GTF2H4: variants seen among roughly 807,000 people sequenced by gnomAD.
GTF2H4 encodes the protein BTF2 p52.
GTF2H4 carries 49 observed loss-of-function variants against 62.2 expected under a neutral mutation model. The ratio of observed to expected loss-of-function variants is 0.79; its 90% CI spans 0.63 to 1.00. The LOEUF (loss-of-function observed/expected upper bound fraction) is 1.00, where lower values mean the gene tolerates loss of function less well. GTF2H4 is among the 50% of genes least tolerant of loss of function. The pLI, the probability that GTF2H4 is intolerant of heterozygous loss-of-function variation, is 0.00. For missense variants in GTF2H4, 479 were observed against 587.8 expected, an observed-to-expected ratio of 0.81 and a Z score of 1.91; for synonymous variants, 189 against 233.8, an observed-to-expected ratio of 0.81 and a Z score of 1.75.
At position 30,909,041 on chromosome 6, in the gene GTF2H4, A is replaced by G. The variant is rs1430929167; in HGVS notation, c.5A>G (p.Glu2Gly). ...GACGTTTGCATTCCTCAGGTGATGG[A>G]GAGCACCCCTTCAAGGGGACTGAAC... is the stretch of plus-strand genomic sequence containing the variant. M[E>G]STPSRGLNRV... is the part of the protein sequence containing the mutation. The change falls in exon 2 of 14, where the codon GAG becomes GGG. Residue 2 changes from glutamate to glycine, a missense_variant. Glu to Gly is a moderately conservative substitution (Grantham distance 98). Coordinates refer to ENST00000259895, the MANE Select transcript of GTF2H4 (RefSeq NM_001517.5). The surrounding 1 kb of genome is among the most constrained non-coding windows in gnomAD (Gnocchi z 4.3). 1 of 1,614,112 alleles carries G rather than the reference A, an allele frequency of 6.2e-7. No individual in the cohort carries two copies. Among genetic ancestry groups the G allele is most frequent in the Non-Finnish European group, 8.5e-7 (1 of 1,180,024 alleles).
Position 30,909,545 on chromosome 6 carries a change from T to G in GTF2H4, c.242+6T>G. On this transcript the variant is annotated splice_donor_region_variant and intron_variant, in intron 3 of 13. Transcript: ENST00000259895. This position sits in a 1 kb window ranked among gnomAD's most constrained non-coding sequence, Gnocchi z 4.3. ...GTAAAGAAGGAATTCAGCAAGTAAG[T>G]CTCAGCCAGATACAAATTTCTCAAC... The G allele has an allele frequency of 6.4e-7, 1 of 1,563,700 alleles. No individual in the cohort carries two copies. Among genetic ancestry groups the G allele is most frequent in the Non-Finnish European group, 8.8e-7 (1 of 1,135,420 alleles).
chr6:30,910,125 A>G lies in GTF2H4; in HGVS notation c.374+62A>G, dbSNP rs1793703444. On this transcript the variant is annotated intron_variant, in intron 4 of 13. Transcript: ENST00000259895. The surrounding 1 kb of genome is among the most constrained non-coding windows in gnomAD (Gnocchi z 4.7). ...GGAACTGCTGCTTATTAAACCACTA[A>G]TTAAACTTTGGGAGGGGGAGCTCCT... 2 of 1,570,390 alleles carry G rather than the reference A, an allele frequency of 1.3e-6. No individual in the cohort carries two copies. Among genetic ancestry groups the G allele is most frequent in the Non-Finnish European group, 8.7e-7 (1 of 1,152,830 alleles).
At position 30,909,084 on chromosome 6, in the gene GTF2H4, C is replaced by T; in HGVS notation, c.48C>T (p.Cys16=). 1 of 1,614,124 alleles carries T rather than the reference C, an allele frequency of 6.2e-7. No individual in the cohort carries two copies. The highest frequency in any genetic ancestry group is 8.5e-7 in the Non-Finnish European group (1 of 1,179,982). The change falls in exon 2 of 14, where the codon TGC becomes TGT. Residue 16 remains cysteine (C), a synonymous_variant. Transcript: ENST00000259895. The surrounding 1 kb of genome is among the most constrained non-coding windows in gnomAD (Gnocchi z 4.3). ...GACTGAACCGAGTACACCTACAATG[C>T]AGGAATCTGCAGGAATTCTTAGGGG... is the stretch of plus-strand genomic sequence containing the variant. ...SRGLNRVHLQ[C]RNLQEFLGGL...
At position 30,909,136 on chromosome 6, in the gene GTF2H4, T is replaced by C. The variant is rs544065475; in HGVS notation, c.100T>C (p.Leu34=). The C allele has an allele frequency of 6.9e-5, 111 of 1,613,860 alleles. 1 individual carries two copies. The highest frequency in any genetic ancestry group is 9.3e-5 in the Non-Finnish European group (110 of 1,179,960). ...CCTGAGCCCTGGGGTATTGGACCGA[T>C]TGTATGGGCACCCTGCCACATGTCT... The part of the protein sequence containing the change: ...GGLSPGVLDR[L]YGHPATCLAV... The change falls in exon 2 of 14, where the codon TTG becomes CTG. Residue 34 remains leucine, a synonymous_variant. Coordinates refer to ENST00000259895, the MANE Select transcript of GTF2H4 (RefSeq NM_001517.5). This position sits in a 1 kb window ranked among gnomAD's most constrained non-coding sequence, Gnocchi z 4.3.
In GTF2H4 at chr6:30,909,268, G is replaced by C; in HGVS notation, c.137+95G>C. 1 of 1,440,442 alleles carries C rather than the reference G, an allele frequency of 6.9e-7. No homozygotes were observed. Among genetic ancestry groups the C allele is most frequent in the Non-Finnish European group, 9.4e-7 (1 of 1,067,862 alleles). The allele number at this position is 1,440,442 out of a possible 1,614,324, so 89.2% of individuals were successfully genotyped here. On this transcript the variant is annotated intron_variant, in intron 2 of 13. Transcript: ENST00000259895. This position sits in a 1 kb window ranked among gnomAD's most constrained non-coding sequence, Gnocchi z 4.3. ...AGTGTAGCAGCCTGGAGTCGGGGTGGGGACTGGGGGCAAGGGTTGGAAATT... is the reference window on the plus strand; with the variant it reads ...AGTGTAGCAGCCTGGAGTCGGGGTGCGGACTGGGGGCAAGGGTTGGAAATT...
Position 30,911,609 on chromosome 6 carries a change from A to G in GTF2H4, c.742-75A>G. 7.7e-7 allele frequency: 1 copy of G among 1,299,064 alleles called. No homozygotes were observed. The highest frequency in any genetic ancestry group is 1.1e-6 in the Non-Finnish European group (1 of 894,280). 80.5% of individuals were successfully genotyped at this position (1,299,064 alleles called of 1,614,324 possible). ...AAACAGAACGAACAGAGATGGAGAA[A>G]GAAAGAATGAATGTATGGGGTTGGG... On this transcript the variant is annotated intron_variant, in intron 8 of 13. Coordinates refer to ENST00000259895, the MANE Select transcript of GTF2H4 (RefSeq NM_001517.5). The surrounding 1 kb of genome is among the most constrained non-coding windows in gnomAD (Gnocchi z 4.3).
chr6:30,909,548 C>G lies in GTF2H4; in HGVS notation c.242+9C>G. ...AAGAAGGAATTCAGCAAGTAAGTCT[C>G]AGCCAGATACAAATTTCTCAACAGC... On this transcript the variant is annotated intron_variant, in intron 3 of 13. Transcript: ENST00000259895. This position sits in a 1 kb window ranked among gnomAD's most constrained non-coding sequence, Gnocchi z 4.3. The G allele has an allele frequency of 6.5e-7, 1 of 1,544,890 alleles. No individual in the cohort carries two copies. The highest frequency in any genetic ancestry group is 8.9e-7 in the Non-Finnish European group (1 of 1,118,486).
chr6:30,910,628 G>C lies in GTF2H4; in HGVS notation c.375-37G>C. Reference sequence around the variant, plus strand: ...TTACAGGTGTGAGCCACTGCGCCTGGCCAGGGTTCCTTACTCTTGGCCCAT... The same window carrying C: ...TTACAGGTGTGAGCCACTGCGCCTGCCCAGGGTTCCTTACTCTTGGCCCAT... On this transcript the variant is annotated intron_variant, in intron 4 of 13. Transcript: ENST00000259895. The surrounding 1 kb of genome is among the most constrained non-coding windows in gnomAD (Gnocchi z 4.7). 1.3e-6 allele frequency: 2 copies of C among 1,502,754 alleles called. No individual in the cohort carries two copies. Among genetic ancestry groups the C allele is most frequent in the Middle Eastern group, 3.7e-4 (2 of 5,444 alleles). The allele number at this position is 1,502,754 out of a possible 1,614,324, so 93.1% of individuals were successfully genotyped here.
In GTF2H4 at chr6:30,910,661, G is replaced by A. The variant is rs372818564; in HGVS notation, c.375-4G>A. On this transcript the variant is annotated splice_polypyrimidine_tract_variant and splice_region_variant and intron_variant, in intron 4 of 13. Transcript: ENST00000259895. This position sits in a 1 kb window ranked among gnomAD's most constrained non-coding sequence, Gnocchi z 4.7. ...TCCTTACTCTTGGCCCATCCTGGCC[G>A]TAGGGGGAAGGCCTGGTCTGATGAC... is the stretch of plus-strand genomic sequence containing the variant. 3.4e-5 allele frequency: 54 copies of A among 1,611,272 alleles called. No homozygotes were observed. The highest frequency in any genetic ancestry group is 1.6e-4 in the African/African-American group (12 of 75,014).
rs1159822123 is a variant in GTF2H4, at chr6:30,912,643, T to C, written c.1089+185T>C. On this transcript the variant is annotated intron_variant, in intron 11 of 13. Transcript: ENST00000259895. The surrounding 1 kb of genome is among the most constrained non-coding windows in gnomAD (Gnocchi z 4.8). ...GTAGACCCTTGAGGGGAAAAAAACA[T>C]GGAGGGAGGAGGTATAGATCTGGAT... is the stretch of plus-strand genomic sequence containing the variant. Among the ~76,000 whole-genome samples the C allele has an allele frequency of 3.3e-5, 5 of 152,010 alleles. No homozygotes were observed. Among genetic ancestry groups the C allele is most frequent in the African/African-American group, 4.8e-5 (2 of 41,372 alleles).
rs765560757 is a variant in GTF2H4, at chr6:30,913,166, A to C, written c.1137+9A>C. 1 of 1,613,828 alleles carries C rather than the reference A, an allele frequency of 6.2e-7. No homozygotes were observed. Among genetic ancestry groups the C allele is most frequent in the Non-Finnish European group, 8.5e-7 (1 of 1,179,740 alleles). ...CAGTGATGCTCAAACAGGTATAGAC[A>C]GGCTCCAAGATGTCAGAGGCTGGCA... On this transcript the variant is annotated intron_variant, in intron 12 of 13. Coordinates refer to ENST00000259895, the MANE Select transcript of GTF2H4 (RefSeq NM_001517.5). The surrounding 1 kb of genome is among the most constrained non-coding windows in gnomAD (Gnocchi z 4.2).
At position 30,908,361 on chromosome 6, in the gene GTF2H4, G is replaced by C. The variant is rs1209082241; in HGVS notation, c.-46G>C. On this transcript the variant is annotated 5_prime_UTR_variant, in exon 1 of 14. Coordinates refer to ENST00000259895, the MANE Select transcript of GTF2H4 (RefSeq NM_001517.5). ...TGCGAGACTTTGGCTCCGATTAAGC[G>C]ACGGCCCGAGACTCGGGGTGCGCGA... is the stretch of plus-strand genomic sequence containing the variant. 3.2e-5 allele frequency: 5 copies of C among 154,828 alleles called. No homozygotes were observed. The highest frequency in any genetic ancestry group is 1.2e-4 in the African/African-American group (5 of 41,496). 9.6% of individuals were successfully genotyped at this position (154,828 alleles called of 1,614,324 possible).
In GTF2H4 at chr6:30,909,117, C is replaced by T. The variant is rs201467647; in HGVS notation, c.81C>T (p.Ser27=). The change falls in exon 2 of 14, where the codon AGC becomes AGT. Residue 27 remains serine (S), a synonymous_variant. Coordinates refer to ENST00000259895, the MANE Select transcript of GTF2H4 (RefSeq NM_001517.5). This position sits in a 1 kb window ranked among gnomAD's most constrained non-coding sequence, Gnocchi z 4.3. ...TGCAGGAATTCTTAGGGGGCCTGAG[C>T]CCTGGGGTATTGGACCGATTGTATG... The part of the protein sequence containing the change: ...RNLQEFLGGL[S]PGVLDRLYGH... The T allele has an allele frequency of 1.9e-6, 3 of 1,614,120 alleles. No homozygotes were observed. The highest frequency in any genetic ancestry group is 2.7e-5 in the African/African-American group (2 of 75,058).
rs1407777524 is a variant in GTF2H4, at chr6:30,909,903, C to T, written c.243-29C>T. The T allele has an allele frequency of 6.3e-7, 1 of 1,592,226 alleles. No homozygotes were observed. ...GGGCCTCCTTTTTGTTTTCCAAATA[C>T]CCTACTCACCTCTCTGCTTCTGTTC... On this transcript the variant is annotated intron_variant, in intron 3 of 13. Transcript: ENST00000259895. This position sits in a 1 kb window ranked among gnomAD's most constrained non-coding sequence, Gnocchi z 4.3.
rs1793753373 is a variant in GTF2H4 at position 30,911,323 on chromosome 6, G to A, written c.672+54G>A. On this transcript the variant is annotated intron_variant, in intron 7 of 13. Coordinates refer to ENST00000259895, the MANE Select transcript of GTF2H4 (RefSeq NM_001517.5). The surrounding 1 kb of genome is among the most constrained non-coding windows in gnomAD (Gnocchi z 4.3). ...TGCTCTGCTCCTCTCAGGTCTCACT[G>A]AGAGACTCCTGCCTACAGACTGTTC... 6.5e-7 allele frequency: 1 copy of A among 1,531,940 alleles called. No homozygotes were observed. The highest frequency in any genetic ancestry group is 9.0e-7 in the Non-Finnish European group (1 of 1,107,062). The allele number at this position is 1,531,940 out of a possible 1,614,324, so 94.9% of individuals were successfully genotyped here.
Position 30,911,397 on chromosome 6 carries a change from C to T in GTF2H4, c.673-34C>T. On this transcript the variant is annotated intron_variant, in intron 7 of 13. Coordinates refer to ENST00000259895, the MANE Select transcript of GTF2H4 (RefSeq NM_001517.5). This position sits in a 1 kb window ranked among gnomAD's most constrained non-coding sequence, Gnocchi z 4.3. ...TTTCTTCCCATTGTCTCCCTCCCAT[C>T]CCTCCTCCTTTGTCTCTGCCTCTTT... is the stretch of plus-strand genomic sequence containing the variant. 1 of 1,585,836 alleles carries T rather than the reference C, an allele frequency of 6.3e-7. No homozygotes were observed. Among genetic ancestry groups the T allele is most frequent in the Non-Finnish European group, 8.7e-7 (1 of 1,154,744 alleles).
In GTF2H4 at chr6:30,909,921, T is replaced by A. The variant is rs374960438; in HGVS notation, c.243-11T>A. On this transcript the variant is annotated splice_polypyrimidine_tract_variant and intron_variant, in intron 3 of 13. Coordinates refer to ENST00000259895, the MANE Select transcript of GTF2H4 (RefSeq NM_001517.5). This position sits in a 1 kb window ranked among gnomAD's most constrained non-coding sequence, Gnocchi z 4.3. ...CCAAATACCCTACTCACCTCTCTGC[T>A]TCTGTTCCAGGGCTCAGGAGGAAAG... 7.5e-6 allele frequency: 12 copies of A among 1,608,050 alleles called. No individual in the cohort carries two copies. Among genetic ancestry groups the A allele is most frequent in the African/African-American group, 1.3e-5 (1 of 74,548 alleles).
chr6:30,913,481 G>A lies in GTF2H4; in HGVS notation c.1216+94G>A, dbSNP rs1554265209. 1.4e-6 allele frequency: 2 copies of A among 1,400,808 alleles called. No homozygotes were observed. Among genetic ancestry groups the A allele is most frequent in the South Asian group, 1.3e-5 (1 of 75,918 alleles). The allele number at this position is 1,400,808 out of a possible 1,614,324, so 86.8% of individuals were successfully genotyped here. On this transcript the variant is annotated intron_variant, in intron 13 of 13. Coordinates refer to ENST00000259895, the MANE Select transcript of GTF2H4 (RefSeq NM_001517.5). The surrounding 1 kb of genome is among the most constrained non-coding windows in gnomAD (Gnocchi z 4.2). ...TTATTTTTTACTTCATGGACTAGGAGAGAAAAGCTGGCAAGACAGTTTTTT... is the reference window on the plus strand; with the variant it reads ...TTATTTTTTACTTCATGGACTAGGAAAGAAAAGCTGGCAAGACAGTTTTTT...
At position 30,909,374 on chromosome 6, in the gene GTF2H4, G is replaced by T. The variant is rs752970265; in HGVS notation, c.138-61G>T. On this transcript the variant is annotated intron_variant, in intron 2 of 13. Coordinates refer to ENST00000259895, the MANE Select transcript of GTF2H4 (RefSeq NM_001517.5). This position sits in a 1 kb window ranked among gnomAD's most constrained non-coding sequence, Gnocchi z 4.3. ...ATGAGATGTTTGAGAGGTAATTGAG[G>T]GCAGAGATGCAGATACAATGCAGCT... 4.4e-5 allele frequency: 56 copies of T among 1,277,878 alleles called. No homozygotes were observed. Among genetic ancestry groups the T allele is most frequent in the Non-Finnish European group, 5.9e-5 (52 of 880,940 alleles). 79.2% of individuals were successfully genotyped at this position (1,277,878 alleles called of 1,614,324 possible). A position where few individuals can be genotyped will look rare whatever the true frequency, so the allele number is the denominator to read the frequency against.
Sources: allele counts gnomAD v4.1 joint callset (sites outside exome capture counted in the v4.1 genomes callset), GRCh38; gene constraint gnomAD v4.1.1; non-coding constraint Gnocchi (gnomAD v3.1); transcripts MANE v1.5; gene names NCBI Gene and HGNC (gene_info 2026-07-23, HGNC 2026-07-21).